Variants in CDH18 observed in about 807,000 individuals in gnomAD.
The protein encoded by CDH18 is cadherin-18.
In CDH18, 31 loss-of-function variants were observed where a neutral mutation model predicts 67.9. The observed-to-expected ratio is 0.46, with a 90% CI of 0.34 to 0.62. CDH18 has a LOEUF of 0.62. Among genes scored for constraint, CDH18 ranks in the 20% least tolerant of loss-of-function variants. The pLI is 0.01. For missense variants in CDH18, 890 were observed against 975.5 expected, an observed-to-expected ratio of 0.91 and a Z score of 1.17; for synonymous variants, 362 against 347.2, an observed-to-expected ratio of 1.04 and a Z score of -0.48.
At chr5:20,312,776 A>G (rs539947092) in intron 1 of CDH18, among the ~76,000 whole-genome samples, 1 of 152,258 alleles carries the variant, frequency 6.6e-6, no homozygotes, top group Non-Finnish European at 1.5e-5. Context: ...TAGAAAATCT[A>G]TTACTATTTT....
At chr5:19,940,916 T>C (rs1472258679) in intron 2 of CDH18, among the ~76,000 whole-genome samples, 3 of 152,150 alleles carry the variant, frequency 2.0e-5, no homozygotes, top group African/African-American at 7.2e-5. Context: ...TTTAGTTCTA[T>C]AGTTTTAATG....
intron 5 of CDH18, among the ~76,000 whole-genome samples, chr5:19,644,946 T>C (rs1489573342): frequency 1.3e-5 from 2 of 152,194 alleles, no homozygotes; most frequent in African/African-American, 4.8e-5. Context: ...CCCAGGTTTT[T>C]CCAGGGACTT....
intron 7 of CDH18, among the ~76,000 whole-genome samples, chr5:19,585,686 CTTAAAA>C (rs1464361368): frequency 5.3e-5 from 8 of 152,166 alleles, no homozygotes; most frequent in African/African-American, 1.7e-4. Flanking sequence ...TGTCTCCCAA[CTTAAAA>C]TTAAAACATT....
At chr5:19,990,782 AAAGAAG>A (rs368901759), upstream of CDH18, among the ~76,000 whole-genome samples, 238 of 147,560 alleles carry the variant, frequency 1.6e-3, no homozygotes, top group African/African-American at 3.3e-3. Flanking sequence ...ACACAAAAGA[AAAGAAG>A]AAGAAGAAGA....
At chr5:19,521,740 C>T (rs3811863) in intron 9 of CDH18, among the ~76,000 whole-genome samples, 14,857 of 151,816 alleles carry the variant, frequency 0.098, 1,066 homozygotes, top group African/African-American at 0.18. Context: ...CTAAGTAGTG[C>T]TGTATTAAAG....
chr5:20,512,738 G>A (rs1032661786), intron 1 of CDH18, among the ~76,000 whole-genome samples: 2 of 151,944 alleles, frequency 1.3e-5, no homozygotes, highest in African/African-American at 4.8e-5. Flanking sequence ...ACAAAAATTT[G>A]CCAGGTGTGG....
At chr5:20,470,923 G>A (rs1447934196) in intron 1 of CDH18, among the ~76,000 whole-genome samples, 1 of 151,982 alleles carries the variant, frequency 6.6e-6, no homozygotes, top group Non-Finnish European at 1.5e-5. Context: ...TCCTCTCTAC[G>A]AGATCGTTCC....
chr5:20,405,495 C>T (rs1397250150), intron 1 of CDH18, among the ~76,000 whole-genome samples: 3 of 152,126 alleles, frequency 2.0e-5, no homozygotes, highest in Non-Finnish European at 4.4e-5. Flanking sequence ...GAGAAGAAAA[C>T]CTAGGCAATA....
intron 10 of CDH18, among the ~76,000 whole-genome samples, chr5:19,503,550 A>G (rs917640805): frequency 1.3e-5 from 2 of 151,908 alleles, no homozygotes; most frequent in Non-Finnish European, 2.9e-5. Flanking sequence ...TGGTTTTATT[A>G]TTTTTTTCAG....
chr5:19,970,700 T>C (rs1397088140), intron 2 of CDH18, among the ~76,000 whole-genome samples: 3 of 151,536 alleles, frequency 2.0e-5, no homozygotes, highest in African/African-American at 7.3e-5. Flanking sequence ...TAAGATTTTT[T>C]GAAAATCCCT....
chr5:20,234,113 C>T (rs10473357), intron 2 of CDH18, among the ~76,000 whole-genome samples: 20,112 of 152,114 alleles, frequency 0.13, 2,131 homozygotes, highest in African/African-American at 0.3. Context: ...GGCAGTCCTA[C>T]ACCAGCCAAT....
intron 1 of CDH18, among the ~76,000 whole-genome samples, chr5:20,361,929 C>T (rs373505668): frequency 4.6e-5 from 7 of 151,984 alleles, no homozygotes; most frequent in East Asian, 1.9e-4. Flanking sequence ...TATCAGTAAA[C>T]GTTTAGTATA....
intron 1 of CDH18, among the ~76,000 whole-genome samples, chr5:20,546,119 T>C (rs941419984): frequency 1.3e-5 from 2 of 152,166 alleles, no homozygotes; most frequent in African/African-American, 4.8e-5. Context: ...TGAATGACCT[T>C]TACTCTGGTT....
At chr5:19,820,780 C>G (rs73057668) in intron 3 of CDH18, among the ~76,000 whole-genome samples, 3 of 152,164 alleles carry the variant, frequency 2.0e-5, no homozygotes, top group Admixed American at 2.0e-4. Flanking sequence ...AAATAAATTT[C>G]TCTACCTGGA....
intron 4 of CDH18, among the ~76,000 whole-genome samples, chr5:19,734,551 C>T (rs774761157): frequency 6.6e-5 from 10 of 152,098 alleles, no homozygotes; most frequent in South Asian, 4.2e-4. Context: ...TATTTTTTCT[C>T]GGATTGCACA....
At chr5:20,007,672 AGTGT>A (rs145213048) in intron 2 of CDH18, among the ~76,000 whole-genome samples, 15,410 of 140,052 alleles carry the variant, frequency 0.11, 952 homozygotes, top group East Asian at 0.2. Flanking sequence ...GTGTGTGGAA[AGTGT>A]GTGTGTGTGT....
intron 1 of CDH18, among the ~76,000 whole-genome samples, chr5:20,488,361 T>C (rs1234068169): frequency 6.6e-6 from 1 of 152,066 alleles, no homozygotes; most frequent in Non-Finnish European, 1.5e-5. Context: ...TTAAGACATT[T>C]CTTCTGACAA....
At chr5:20,123,045 TTA>T (rs1748497178) in intron 2 of CDH18, among the ~76,000 whole-genome samples, 1 of 148,482 alleles carries the variant, frequency 6.7e-6, no homozygotes, top group African/African-American at 2.4e-5. Context: ...TATAAATGTA[TTA>T]TATGTATCTT....
At chr5:19,888,383 A>C (rs999944230) in intron 2 of CDH18, among the ~76,000 whole-genome samples, 13 of 152,140 alleles carry the variant, frequency 8.5e-5, no homozygotes, top group African/African-American at 2.9e-4. Context: ...TGTTTTTTTC[A>C]GTAATGGCTT....
Sources: allele counts gnomAD v4.1 joint callset (sites outside exome capture counted in the v4.1 genomes callset), GRCh38; gene constraint gnomAD v4.1.1; transcripts MANE v1.5; gene names NCBI Gene and HGNC (gene_info 2026-07-23, HGNC 2026-07-21).